Variants in PRR16 observed in about 807,000 individuals in gnomAD.
The protein encoded by PRR16 is proline rich 16, also known as protein Largen.
A neutral mutation model predicts 18.2 loss-of-function variants in PRR16; 6 were observed. The ratio of observed to expected loss-of-function variants is 0.33; its 90% CI spans 0.18 to 0.65. The LOEUF (loss-of-function observed/expected upper bound fraction) is 0.65, where lower values mean the gene tolerates loss of function less well. Among genes scored for constraint, PRR16 ranks in the 30% least tolerant of loss-of-function variants. PRR16 has a pLI of 0.74. For synonymous variants in PRR16, 151 were observed against 147.8 expected (o/e 1.02, Z -0.16); for missense variants, 412 against 376.6 (o/e 1.09, Z -0.78).
intron 1 of PRR16, among the ~76,000 whole-genome samples, chr5:120,489,874 T>C (rs1178158365): frequency 6.6e-6 from 1 of 152,194 alleles, no homozygotes; most frequent in Non-Finnish European, 1.5e-5. Flanking sequence ...CAGCATTTGC[T>C]TGTCTGTAAA....
the PRR16 span, among the ~76,000 whole-genome samples, chr5:120,742,775 A>G: frequency 3.3e-5 from 5 of 152,228 alleles, no homozygotes; most frequent in East Asian, 1.9e-4. Context: ...TAAGTCCACA[A>G]TGAGTCTCAT....
chr5:120,628,129 T>A (rs540272514), intron 1 of PRR16, among the ~76,000 whole-genome samples: 1 of 152,088 alleles, frequency 6.6e-6, no homozygotes, highest in East Asian at 1.9e-4. Context: ...CCCTGAAAGG[T>A]TGGACATCAA....
chr5:120,634,988 CT>C (rs1755180107), intron 1 of PRR16, among the ~76,000 whole-genome samples: 1 of 152,080 alleles, frequency 6.6e-6, no homozygotes, highest in East Asian at 1.9e-4. Context: ...CTATGAACAT[CT>C]TTACATACAT....
At chr5:120,777,755 A>G in the PRR16 span, among the ~76,000 whole-genome samples, 14 of 152,142 alleles carry the variant, frequency 9.2e-5, no homozygotes, top group East Asian at 3.8e-4. Flanking sequence ...TCCAATATAT[A>G]CAGAAGCGCA....
At chr5:120,710,895 AAAATC>A in the PRR16 span, 1 of 152,186 alleles carries the variant, frequency 6.6e-6, no homozygotes, top group South Asian at 2.1e-4. Flanking sequence ...TCACTGGACT[AAAATC>A]AAAGAGTTAG....
At chr5:120,619,153 T>C (rs1401583058) in intron 1 of PRR16, among the ~76,000 whole-genome samples, 1 of 152,124 alleles carries the variant, frequency 6.6e-6, no homozygotes. Flanking sequence ...TCTGTACATA[T>C]TACGTGATGC....
chr5:120,641,770 C>T (rs1039034893), intron 1 of PRR16, among the ~76,000 whole-genome samples: 1 of 152,096 alleles, frequency 6.6e-6, no homozygotes, highest in East Asian at 1.9e-4. Context: ...CTTCACCCTC[C>T]GTCTGCAGAG....
intron 1 of PRR16, among the ~76,000 whole-genome samples, chr5:120,587,171 A>G (rs889074691): frequency 1.3e-5 from 2 of 152,198 alleles, no homozygotes; most frequent in African/African-American, 4.8e-5. Flanking sequence ...TGTAGGAGAG[A>G]AATTTGGAGC....
the PRR16 span, among the ~76,000 whole-genome samples, chr5:120,696,299 CACAA>C: frequency 6.6e-6 from 1 of 151,830 alleles, no homozygotes; most frequent in African/African-American, 2.4e-5. Flanking sequence ...GGTAAAAATT[CACAA>C]ACAAAACAAA....
At chr5:120,699,519 A>G in the PRR16 span, among the ~76,000 whole-genome samples, 1 of 152,144 alleles carries the variant, frequency 6.6e-6, no homozygotes, top group African/African-American at 2.4e-5. Flanking sequence ...AGTCAAGAAA[A>G]AGTGAGTATA....
intron 1 of PRR16, among the ~76,000 whole-genome samples, chr5:120,668,107 C>T (rs1471759681): frequency 6.6e-6 from 1 of 152,030 alleles, no homozygotes; most frequent in African/African-American, 2.4e-5. Context: ...TTGTAGGTCA[C>T]TCAGGAGTTG....
chr5:120,746,205 C>T, the PRR16 span, among the ~76,000 whole-genome samples: 1 of 151,374 alleles, frequency 6.6e-6, no homozygotes, highest in South Asian at 2.1e-4. Context: ...AAACATGTTG[C>T]TGAATGTTAT....
chr5:120,587,731 AT>A (rs1306956469), intron 1 of PRR16, among the ~76,000 whole-genome samples: 3 of 152,228 alleles, frequency 2.0e-5, no homozygotes, highest in African/African-American at 7.2e-5. Context: ...ATGTACATAA[AT>A]TAATGTTGTT....
chr5:120,733,890 A>C, the PRR16 span, among the ~76,000 whole-genome samples: 1 of 152,210 alleles, frequency 6.6e-6, no homozygotes, highest in East Asian at 1.9e-4. Context: ...AAATGTTTTT[A>C]CTATACTTTC....
chr5:120,589,271 A>T (rs1753553134), intron 1 of PRR16, among the ~76,000 whole-genome samples: 1 of 152,088 alleles, frequency 6.6e-6, no homozygotes, highest in Admixed American at 6.6e-5. Context: ...AACATGCCTA[A>T]TTTCTTATTG....
intron 1 of PRR16, among the ~76,000 whole-genome samples, chr5:120,667,446 C>A (rs547223984): frequency 1.9e-4 from 29 of 152,100 alleles, no homozygotes; most frequent in African/African-American, 6.5e-4. Flanking sequence ...TTTTGTGTCT[C>A]TATTTCCTTC....
the PRR16 span, among the ~76,000 whole-genome samples, chr5:120,747,145 T>A: frequency 6.6e-6 from 1 of 152,148 alleles, no homozygotes; most frequent in Non-Finnish European, 1.5e-5. Flanking sequence ...TTAATTGTGA[T>A]TGAAAACCCC....
At chr5:120,493,989 A>G (rs754507417) in intron 1 of PRR16, among the ~76,000 whole-genome samples, 11 of 152,310 alleles carry the variant, frequency 7.2e-5, no homozygotes, top group South Asian at 4.1e-4. Flanking sequence ...CAAAGCCACT[A>G]TAAACATTTA....
the PRR16 span, among the ~76,000 whole-genome samples, chr5:120,702,313 C>T: frequency 6.6e-6 from 1 of 150,780 alleles, no homozygotes; most frequent in African/African-American, 2.4e-5. Flanking sequence ...GATAAGAGGT[C>T]GGGGCATGGA....
Sources: allele counts gnomAD v4.1 joint callset (sites outside exome capture counted in the v4.1 genomes callset), GRCh38; gene constraint gnomAD v4.1.1; transcripts MANE v1.5; gene names NCBI Gene and HGNC (gene_info 2026-07-23, HGNC 2026-07-21).